ARFGEF1: variants seen among roughly 807,000 people sequenced by gnomAD.
The protein encoded by ARFGEF1 is brefeldin A-inhibited guanine nucleotide-exchange protein 1.
A neutral mutation model predicts 231.0 loss-of-function variants in ARFGEF1; 42 were observed. That is an observed-to-expected ratio of 0.18 (90% CI 0.14 to 0.24). ARFGEF1 has a LOEUF of 0.24. Among genes scored for constraint, ARFGEF1 ranks in the 10% least tolerant of loss-of-function variants. The probability of loss-of-function intolerance (pLI) is 1.00; values close to 1 mark genes in which losing one functional copy is unlikely to be tolerated. For synonymous variants in ARFGEF1, 710 were observed against 732.3 expected, an observed-to-expected ratio of 0.97 and a Z score of 0.49; for missense variants, 1,345 against 2,192.0, an observed-to-expected ratio of 0.61 and a Z score of 7.72.
Position 67,197,971 on chromosome 8 carries a change from T to G in ARFGEF1, c.*963A>C, listed in dbSNP as rs1015608398. On this transcript the variant is annotated 3_prime_UTR_variant, in exon 39 of 39. Coordinates refer to ENST00000262215, the MANE Select transcript of ARFGEF1 (RefSeq NM_006421.5). ...TATATTCAACGTTAAATTCTGTACA[T>G]AGAGTAAAATCTACATCAAGCCCCA... The G allele has an allele frequency of 1.0e-6, 1 of 985,700 alleles. No homozygotes were observed. The highest frequency in any genetic ancestry group is 1.7e-5 in the African/African-American group (1 of 57,226). The allele number at this position is 985,700 out of a possible 1,614,324, so 61.1% of individuals were successfully genotyped here.
At chr8:67,213,534 C>CA (rs1838822168) in intron 33 of ARFGEF1, among the ~76,000 whole-genome samples, 1 of 152,106 alleles carries the variant, frequency 6.6e-6, no homozygotes, top group Non-Finnish European at 1.5e-5. Context: ...ACTTTTGTGT[C>CA]AATTTGGCTA....
Position 67,259,817 on chromosome 8 carries a change from A to C in ARFGEF1, c.2233T>G (p.Ser745Ala). The C allele has an allele frequency of 6.3e-7, 1 of 1,575,650 alleles. No homozygotes were observed. Among genetic ancestry groups the C allele is most frequent in the Non-Finnish European group, 8.6e-7 (1 of 1,159,052 alleles). Residue 745 changes from serine (S) to alanine (A), a missense_variant and splice_region_variant, in exon 15 of 39, where the codon TCT (serine) becomes GCT (alanine). Around this residue, in one of 14 missense-constraint regions of ARFGEF1, gnomAD observed 105 missense variants for 159.3 expected, o/e 0.66. Coordinates refer to ENST00000262215, the MANE Select transcript of ARFGEF1 (RefSeq NM_006421.5). ...QFLHQEERLD[S>A]TQVGEFLGDN... ...TAGAATGAAAATGGTATTCTTACAG[A>C]GTCTAATCTTTCCTCTTGATGTAAG...
At chr8:67,306,234 G>A (rs942867627) in intron 1 of ARFGEF1, among the ~76,000 whole-genome samples, 1 of 152,176 alleles carries the variant, frequency 6.6e-6, no homozygotes, top group African/African-American at 2.4e-5. Context: ...AACTGAGATG[G>A]CTACTATGTG....
At chr8:67,237,349 G>C (rs1177022543) in intron 22 of ARFGEF1, among the ~76,000 whole-genome samples, 1 of 152,158 alleles carries the variant, frequency 6.6e-6, no homozygotes, top group Non-Finnish European at 1.5e-5. Context: ...TGCATTGCTA[G>C]CTGCTTCAGT....
chr8:67,260,188 A>T (rs1804554822), intron 14 of ARFGEF1, among the ~76,000 whole-genome samples: 1 of 152,160 alleles, frequency 6.6e-6, no homozygotes, highest in Admixed American at 6.5e-5. Context: ...AGTATGAAGT[A>T]TTTTTTTATC....
At chr8:67,185,169 G>A (rs1404740400) in intron 5 of ARFGEF1, among the ~76,000 whole-genome samples, 1 of 151,946 alleles carries the variant, frequency 6.6e-6, no homozygotes, top group Non-Finnish European at 1.5e-5. Context: ...CAAGAGCCTG[G>A]TGTGATTCCG....
intron 22 of ARFGEF1, among the ~76,000 whole-genome samples, chr8:67,236,119 A>G (rs1167978951): frequency 1.3e-5 from 2 of 151,148 alleles, no homozygotes; most frequent in East Asian, 3.9e-4. Context: ...ACATGGTGAA[A>G]CCCTGTCTCT....
intron 6 of ARFGEF1, among the ~76,000 whole-genome samples, chr8:67,288,466 C>T (rs559432238): frequency 1.3e-5 from 2 of 151,316 alleles, no homozygotes; most frequent in East Asian, 3.9e-4. Flanking sequence ...GGTGCAGTGG[C>T]TCATGCCTGT....
intron 1 of ARFGEF1, among the ~76,000 whole-genome samples, chr8:67,331,535 C>A (rs531770323): frequency 6.6e-6 from 1 of 152,136 alleles, no homozygotes; most frequent in African/African-American, 2.4e-5. Flanking sequence ...AAATAAAGAA[C>A]TGTGAGAAAT....
intron 1 of ARFGEF1, among the ~76,000 whole-genome samples, chr8:67,338,993 G>A (rs1469448762): frequency 2.6e-5 from 4 of 152,112 alleles, no homozygotes; most frequent in South Asian, 2.1e-4. Context: ...CTCCACTGAC[G>A]TATCTTTTTT....
chr8:67,319,570 A>G (rs1807483481), intron 1 of ARFGEF1, among the ~76,000 whole-genome samples: 1 of 152,040 alleles, frequency 6.6e-6, no homozygotes, highest in Non-Finnish European at 1.5e-5. Flanking sequence ...AATGGATGAC[A>G]GATCTAAATG....
chr8:67,216,028 C>T (rs546238132), intron 33 of ARFGEF1, among the ~76,000 whole-genome samples: 2 of 152,278 alleles, frequency 1.3e-5, no homozygotes, highest in East Asian at 1.9e-4. Flanking sequence ...GTTCTATGTC[C>T]TATATTTAAA....
In ARFGEF1 at chr8:67,314,575, G is replaced by GTC. The variant is rs747325563; in HGVS notation, c.125-12111_125-12110dup. 3.9e-5 allele frequency among the ~76,000 whole-genome samples: 6 copies of GTC among 152,266 alleles called. No homozygotes were observed. In the South Asian group the frequency reaches 6.2e-4, roughly 16 times the overall value. ...GGGGGTGTGTGTTTGGGAGAGGAGG[G>GTC]TCTCCCTTTCCCACTTCTGCAGTTG... On this transcript the variant is annotated intron_variant, in intron 1 of 38. Transcript: ENST00000262215.
intron 17 of ARFGEF1, among the ~76,000 whole-genome samples, chr8:67,256,005 T>A (rs183108648): frequency 1.3e-5 from 2 of 152,390 alleles, no homozygotes; most frequent in Admixed American, 1.3e-4. Flanking sequence ...CATATAATAT[T>A]GCTTATTCAT....
At chr8:67,242,141 C>A (rs1023168163) in intron 19 of ARFGEF1, among the ~76,000 whole-genome samples, 5 of 152,168 alleles carry the variant, frequency 3.3e-5, no homozygotes, top group African/African-American at 1.2e-4. Flanking sequence ...TCAGTCTAGG[C>A]CACAAGGACT....
intron 5 of ARFGEF1, 132 bp downstream of exon 5, chr8:67,296,299 A>G: frequency 1.2e-6 from 1 of 843,040 alleles, no homozygotes; most frequent in Non-Finnish European, 1.8e-6. Flanking sequence ...ACAAATCTCC[A>G]GTAAGTGGAA....
At chr8:67,268,305 C>T (rs1804931900) in intron 10 of ARFGEF1, among the ~76,000 whole-genome samples, 1 of 152,070 alleles carries the variant, frequency 6.6e-6, no homozygotes, top group Non-Finnish European at 1.5e-5. Context: ...ACAGTAATGA[C>T]CAGGTCTTTC....
chr8:67,270,615 A>T (rs1036708566), intron 10 of ARFGEF1, among the ~76,000 whole-genome samples: 4 of 152,116 alleles, frequency 2.6e-5, no homozygotes, highest in African/African-American at 9.7e-5. Context: ...TCAACAAATA[A>T]CAAATTGAAA....
Position 67,227,170 on chromosome 8 carries a change from C to T in ARFGEF1, c.3883G>A (p.Glu1295Lys). The change falls in exon 27 of 39, where the codon GAA (glutamate) becomes AAA (lysine). Residue 1295 changes from glutamate to lysine, a missense_variant. Physicochemically the swap from Glu to Lys is moderately conservative, Grantham distance 56. Coordinates refer to ENST00000262215, the MANE Select transcript of ARFGEF1 (RefSeq NM_006421.5). ...TGCCCGGTTGTTTGGAATGCAAGTT[C>T]CACTATGCTTTCATCTTGATCAGAT... is the stretch of plus-strand genomic sequence containing the variant. ...AASDQDESIV[E>K]LAFQTTGHIV... 1.2e-6 allele frequency: 2 copies of T among 1,612,524 alleles called. No homozygotes were observed. Among genetic ancestry groups the T allele is most frequent in the East Asian group, 4.5e-5 (2 of 44,806 alleles).
Sources: gnomAD v4.1 joint callset for allele counts (sites outside exome capture counted in the v4.1 genomes callset) on GRCh38, gnomAD v4.1.1 for gene constraint, gnomAD v4.1.1 regional missense constraint, MANE v1.5 for transcripts, NCBI Gene and HGNC (gene_info 2026-07-23, HGNC 2026-07-21) for gene names.